Variants in STXBP5L observed in about 807,000 individuals in gnomAD.
STXBP5L encodes syntaxin binding protein 5L, also known as syntaxin-binding protein 5-like.
A neutral mutation model predicts 144.5 loss-of-function variants in STXBP5L; 65 were observed. The observed-to-expected ratio is 0.45, with a 90% CI of 0.37 to 0.55. The LOEUF (loss-of-function observed/expected upper bound fraction) is 0.55. Ranked by LOEUF, STXBP5L falls within the 20% of genes least tolerant of loss-of-function variation. STXBP5L has a pLI of 0.00. For missense variants in STXBP5L, 1,298 were observed against 1,405.5 expected, an observed-to-expected ratio of 0.92 and a Z score of 1.22; for synonymous variants, 505 against 469.6, an observed-to-expected ratio of 1.08 and a Z score of -0.97.
In STXBP5L at chr3:121,166,339, C is replaced by T. The variant is rs537014189; in HGVS notation, c.877+8712C>T. Among the ~76,000 whole-genome samples the T allele has an allele frequency of 2.6e-3, 402 of 152,202 alleles. 4 individuals are homozygous for T. The highest frequency in any genetic ancestry group is 9.0e-3 in the African/African-American group (373 of 41,532). On this transcript the variant is annotated intron_variant, in intron 9 of 26. Coordinates refer to ENST00000471454, the MANE Select transcript of STXBP5L (RefSeq NM_001308330.2). ...TTCAATATAATGTTTGTTTCTGTCT[C>T]CTTGCTTTTCTGTACTGCATTCTGG...
chr3:121,343,936 A>G (rs4561764), intron 20 of STXBP5L, among the ~76,000 whole-genome samples: 119,364 of 151,576 alleles, frequency 0.79, 47,169 homozygotes, highest in East Asian at 0.93. Context: ...AGCCTGCATC[A>G]CCAAGTCAAT....
chr3:121,257,800 C>G (rs957678608), intron 17 of STXBP5L, among the ~76,000 whole-genome samples: 2 of 152,130 alleles, frequency 1.3e-5, no homozygotes, highest in Non-Finnish European at 1.5e-5. Context: ...TGGTACACAC[C>G]TGTAGCTCCA....
intron 3 of STXBP5L, among the ~76,000 whole-genome samples, chr3:121,038,953 T>G (rs1946952486): frequency 3.3e-5 from 5 of 151,920 alleles, no homozygotes; most frequent in Non-Finnish European, 7.4e-5. Context: ...TTTTCTATGT[T>G]TTAACTTTTA....
chr3:120,943,013 A>G (rs905638160), intron 2 of STXBP5L, among the ~76,000 whole-genome samples: 1 of 151,738 alleles, frequency 6.6e-6, no homozygotes, highest in Non-Finnish European at 1.5e-5. Context: ...GAATAATGTC[A>G]ATACAAATCC....
At chr3:121,216,904 C>T (rs1486940277) in intron 10 of STXBP5L, among the ~76,000 whole-genome samples, 1 of 151,582 alleles carries the variant, frequency 6.6e-6, no homozygotes, top group Non-Finnish European at 1.5e-5. Context: ...TCTAGGGAAG[C>T]CCTCTGGCTA....
intron 3 of STXBP5L, among the ~76,000 whole-genome samples, chr3:120,982,317 G>C (rs562880570): frequency 6.6e-6 from 1 of 152,174 alleles, no homozygotes; most frequent in African/African-American, 2.4e-5. Flanking sequence ...AAAGCTGGGT[G>C]GAACTGGACA....
At chr3:121,324,535 G>A in intron 20 of STXBP5L, 2 of 698,938 alleles carry the variant, frequency 2.9e-6, no homozygotes, top group Non-Finnish European at 5.2e-6. Flanking sequence ...GGCTTTTATA[G>A]GAATGAAATA....
intron 5 of STXBP5L, among the ~76,000 whole-genome samples, chr3:121,092,008 C>T (rs1320109122): frequency 3.9e-5 from 6 of 152,070 alleles, no homozygotes; most frequent in Non-Finnish European, 5.9e-5. Context: ...AGCCTGTTTT[C>T]CCAGCACCGT....
At chr3:121,211,065 A>G (rs1457956040) in intron 10 of STXBP5L, among the ~76,000 whole-genome samples, 1 of 152,228 alleles carries the variant, frequency 6.6e-6, no homozygotes, top group Non-Finnish European at 1.5e-5. Context: ...ACCCATGTGC[A>G]TGGAATGTTC....
chr3:121,039,717 A>T (rs1244551973), intron 3 of STXBP5L, among the ~76,000 whole-genome samples: 5 of 149,214 alleles, frequency 3.4e-5, no homozygotes, highest in South Asian at 4.2e-4. Context: ...GTCATTATTT[A>T]AAAAAAATTT....
intron 22 of STXBP5L, among the ~76,000 whole-genome samples, chr3:121,399,060 G>A (rs1285780953): frequency 6.6e-6 from 1 of 152,168 alleles, no homozygotes; most frequent in Non-Finnish European, 1.5e-5. Context: ...GTGCAGAAGG[G>A]TAGGGATGAA....
At chr3:121,255,607 C>T (rs1488330026) in intron 16 of STXBP5L, among the ~76,000 whole-genome samples, 1 of 151,766 alleles carries the variant, frequency 6.6e-6, no homozygotes. Context: ...TTGTTCTATA[C>T]TTTTATTAAT....
chr3:121,318,091 T>C (rs1257980002), intron 19 of STXBP5L, among the ~76,000 whole-genome samples: 1 of 152,062 alleles, frequency 6.6e-6, no homozygotes, highest in Non-Finnish European at 1.5e-5. Flanking sequence ...CTTTGTACCA[T>C]CCATGTTTAA....
intron 5 of STXBP5L, among the ~76,000 whole-genome samples, chr3:121,051,055 C>A (rs1488441042): frequency 3.3e-5 from 5 of 152,220 alleles, no homozygotes; most frequent in African/African-American, 7.2e-5. Context: ...TATATATGCA[C>A]CCAATACAGG....
chr3:121,306,140 TA>T (rs2108502503), intron 19 of STXBP5L, among the ~76,000 whole-genome samples: 1 of 152,304 alleles, frequency 6.6e-6, no homozygotes, highest in East Asian at 1.9e-4. Context: ...GAAATTGTCG[TA>T]AGGGCATATA....
intron 7 of STXBP5L, among the ~76,000 whole-genome samples, chr3:121,140,264 G>C (rs2045440784): frequency 6.6e-6 from 1 of 151,980 alleles, no homozygotes; most frequent in African/African-American, 2.4e-5. Flanking sequence ...AAGATAATAA[G>C]TACTGGTGAA....
chr3:121,366,568 G>C (rs1220500662), intron 20 of STXBP5L, among the ~76,000 whole-genome samples: 1 of 151,882 alleles, frequency 6.6e-6, no homozygotes, highest in Non-Finnish European at 1.5e-5. Context: ...ACCCCACTCT[G>C]TTTTGGATAC....
At chr3:121,167,943 A>G (rs971922520) in intron 9 of STXBP5L, among the ~76,000 whole-genome samples, 5 of 152,270 alleles carry the variant, frequency 3.3e-5, no homozygotes, top group Admixed American at 6.5e-5. Context: ...TCTGGCAGGC[A>G]TCTGGTGGGT....
intron 5 of STXBP5L, among the ~76,000 whole-genome samples, chr3:121,070,892 C>T (rs904086109): frequency 1.3e-5 from 2 of 152,132 alleles, no homozygotes; most frequent in South Asian, 2.1e-4. Context: ...ATTAGGGGTT[C>T]GCCAATTCGG....
Sources: allele counts gnomAD v4.1 joint callset (sites outside exome capture counted in the v4.1 genomes callset), GRCh38; gene constraint gnomAD v4.1.1; transcripts MANE v1.5; gene names NCBI Gene and HGNC (gene_info 2026-07-23, HGNC 2026-07-21).